The following GPR158 variants were observed in gnomAD, a reference collection of about 807,000 sequenced individuals.
GPR158 encodes metabotropic glycine receptor.
GPR158 carries 30 observed loss-of-function variants against 78.2 expected under a neutral mutation model. That is an observed-to-expected ratio of 0.38 (90% confidence interval 0.29 to 0.52). GPR158 has a LOEUF of 0.52. Among genes scored for constraint, GPR158 ranks in the 20% least tolerant of loss-of-function variants. The pLI is 0.83. For missense variants in GPR158, 1,463 were observed against 1,523.5 expected (o/e 0.96, Z 0.66); for synonymous variants, 581 against 591.1 (o/e 0.98, Z 0.25).
At chr10:25,287,153 A>G (rs1053605108) in intron 2 of GPR158, among the ~76,000 whole-genome samples, 1 of 151,854 alleles carries the variant, frequency 6.6e-6, no homozygotes, top group African/African-American at 2.4e-5. Context: ...CTTTTCTCCA[A>G]GATGTAGAGA....
intron 3 of GPR158, among the ~76,000 whole-genome samples, chr10:25,411,543 G>A (rs1410268415): frequency 6.6e-6 from 1 of 152,104 alleles, no homozygotes; most frequent in Admixed American, 6.6e-5. Context: ...GCACATAAAA[G>A]CATCAACTTT....
chr10:25,218,965 T>C (rs758674089), intron 1 of GPR158, among the ~76,000 whole-genome samples: 5 of 152,190 alleles, frequency 3.3e-5, no homozygotes, highest in Non-Finnish European at 5.9e-5. Context: ...TGCTTACTGA[T>C]GCCTTTCAAA....
intron 9 of GPR158, 81 bp from the exon 10 acceptor site, chr10:25,596,562 T>G: frequency 1.1e-6 from 1 of 923,812 alleles, no homozygotes; most frequent in Admixed American, 2.1e-5. Flanking sequence ...CCTATATAGA[T>G]ATAGGTATAG....
intron 2 of GPR158, among the ~76,000 whole-genome samples, chr10:25,327,360 T>C (rs1268785976): frequency 1.3e-5 from 2 of 152,174 alleles, no homozygotes; most frequent in Non-Finnish European, 2.9e-5. Flanking sequence ...AGGTTTTCTG[T>C]GGCCTTAACA....
At chr10:25,233,960 A>T (rs1259738695) in intron 2 of GPR158, among the ~76,000 whole-genome samples, 1 of 152,118 alleles carries the variant, frequency 6.6e-6, no homozygotes, top group African/African-American at 2.4e-5. Flanking sequence ...TATGTTACTT[A>T]TGTTAATATA....
At position 25,253,181 on chromosome 10, in the gene GPR158, G is replaced by A. The variant is rs894791395; in HGVS notation, c.1008+32024G>A. On this transcript the variant is annotated intron_variant, in intron 2 of 10. Transcript: ENST00000376351. ...CTCGCCCTGCTTCGGCTCGCGCACCGTGCGCGCACCCACTGGCCTGCGCCC... is the reference window on the plus strand; with the variant it reads ...CTCGCCCTGCTTCGGCTCGCGCACCATGCGCGCACCCACTGGCCTGCGCCC... Among the ~76,000 whole-genome samples the A allele has an allele frequency of 2.2e-3, 334 of 152,326 alleles. 1 individual carries two copies. The highest frequency in any genetic ancestry group is 7.4e-3 in the African/African-American group (307 of 41,582).
At chr10:25,587,811 C>G (rs1268967505) in intron 7 of GPR158, among the ~76,000 whole-genome samples, 1 of 152,192 alleles carries the variant, frequency 6.6e-6, no homozygotes, top group Non-Finnish European at 1.5e-5. Context: ...AAGGCCCTAC[C>G]TACCATTTAA....
chr10:25,578,325 G>A (rs1391853011), intron 7 of GPR158, among the ~76,000 whole-genome samples: 3 of 152,158 alleles, frequency 2.0e-5, no homozygotes, highest in Admixed American at 6.5e-5. Flanking sequence ...AAAAATATTT[G>A]TTGAAAGAAC....
chr10:25,225,196 T>TTTTTTTTTTG (rs1185947928), intron 2 of GPR158, among the ~76,000 whole-genome samples: 9 of 151,802 alleles, frequency 5.9e-5, no homozygotes, highest in African/African-American at 1.9e-4. Context: ...TTTTTTTTTT[T>TTTTTTTTTTG]TTGTATAAAG....
At chr10:25,303,336 G>T (rs934281167) in intron 2 of GPR158, among the ~76,000 whole-genome samples, 2 of 152,138 alleles carry the variant, frequency 1.3e-5, no homozygotes, top group Admixed American at 1.3e-4. Context: ...ATTTCCATTA[G>T]AAAGCTCTAT....
At chr10:25,218,748 T>C (rs201510136) in intron 1 of GPR158, among the ~76,000 whole-genome samples, 75 of 152,308 alleles carry the variant, frequency 4.9e-4, no homozygotes, top group African/African-American at 1.8e-3. Context: ...CTGTGTTGAG[T>C]CAGAAATTTC....
At chr10:25,210,057 T>G (rs966889160) in intron 1 of GPR158, among the ~76,000 whole-genome samples, 17 of 152,326 alleles carry the variant, frequency 1.1e-4, no homozygotes, top group African/African-American at 3.6e-4. Flanking sequence ...GTCGTGAAAT[T>G]ATGAATCTAG....
chr10:25,262,918 T>A (rs1853988089), intron 2 of GPR158, among the ~76,000 whole-genome samples: 1 of 152,242 alleles, frequency 6.6e-6, no homozygotes, highest in Non-Finnish European at 1.5e-5. Flanking sequence ...TGTTGTTGAA[T>A]GTTAACAGTT....
intron 2 of GPR158, among the ~76,000 whole-genome samples, chr10:25,338,196 C>T (rs1187884705): frequency 1.3e-5 from 2 of 151,040 alleles, no homozygotes; most frequent in Non-Finnish European, 3.0e-5. Flanking sequence ...TTTGCCTACC[C>T]TAAGATTATA....
intron 2 of GPR158, among the ~76,000 whole-genome samples, chr10:25,368,989 A>G (rs930839250): frequency 1.3e-4 from 20 of 148,950 alleles, no homozygotes; most frequent in African/African-American, 4.7e-4. Flanking sequence ...ATTGGTGTAT[A>G]GGAATGCTTG....
At chr10:25,349,727 T>A (rs1385918039) in intron 2 of GPR158, among the ~76,000 whole-genome samples, 1 of 146,570 alleles carries the variant, frequency 6.8e-6, no homozygotes, top group Non-Finnish European at 1.5e-5. Context: ...TTACGCAATT[T>A]CAGGTAGTTC....
At position 25,536,138 on chromosome 10, in the gene GPR158, C is replaced by T. The variant is rs181614100; in HGVS notation, c.1405-14838C>T. On this transcript the variant is annotated intron_variant, in intron 5 of 10. Transcript: ENST00000376351. ...TGCATTAGGCTGCAGCTCCTTTCCA[C>T]CTGACTAGTAGGTAGCTCATATATT... 1.4e-3 allele frequency among the ~76,000 whole-genome samples: 217 copies of T among 152,110 alleles called. 1 individual carries two copies. The highest frequency in any genetic ancestry group is 3.5e-3 in the Admixed American group (53 of 15,276).
intron 5 of GPR158, among the ~76,000 whole-genome samples, chr10:25,513,346 C>G (rs1166513213): frequency 6.6e-6 from 1 of 151,856 alleles, no homozygotes; most frequent in African/African-American, 2.4e-5. Context: ...CTTGAATGAT[C>G]TTTTGTATTT....
chr10:25,501,368 C>T (rs778626847), intron 5 of GPR158, among the ~76,000 whole-genome samples: 1 of 152,168 alleles, frequency 6.6e-6, no homozygotes, highest in Admixed American at 6.5e-5. Flanking sequence ...AAGGTCTCTC[C>T]TCCCATGATT....
Sources: allele counts gnomAD v4.1 joint callset (sites outside exome capture counted in the v4.1 genomes callset), GRCh38; gene constraint gnomAD v4.1.1; transcripts MANE v1.5; gene names NCBI Gene and HGNC (gene_info 2026-07-23, HGNC 2026-07-21).